UNC5D: variants seen among roughly 807,000 people sequenced by gnomAD.
UNC5D encodes the protein netrin receptor UNC5D.
Under a neutral mutation model 105.4 loss-of-function variants are expected in UNC5D, and 39 were observed. The observed-to-expected ratio is 0.37, with a 90% CI of 0.29 to 0.48. UNC5D has a LOEUF of 0.48. UNC5D is among the 20% of genes least tolerant of loss of function. The pLI is 0.98. For synonymous variants in UNC5D, 452 were observed against 450.4 expected (o/e 1.00, Z -0.04); for missense variants, 991 against 1,202.4 (o/e 0.82, Z 2.60).
chr8:35,359,626 C>A (rs1320921624), intron 1 of UNC5D, among the ~76,000 whole-genome samples: 5 of 152,144 alleles, frequency 3.3e-5, no homozygotes, highest in Non-Finnish European at 7.3e-5. Flanking sequence ...AAGGTTTCTC[C>A]TTTCTTTGAA....
At chr8:35,416,233 T>C (rs1805526494) in intron 1 of UNC5D, among the ~76,000 whole-genome samples, 1 of 151,970 alleles carries the variant, frequency 6.6e-6, no homozygotes, top group Non-Finnish European at 1.5e-5. Context: ...ACTGACTTGG[T>C]GTAGGGATGG....
chr8:35,778,720 G>A (rs1044316516), intron 16 of UNC5D, among the ~76,000 whole-genome samples: 5 of 152,170 alleles, frequency 3.3e-5, no homozygotes, highest in African/African-American at 1.2e-4. Context: ...AATCATTAAG[G>A]AAAACTTTCA....
chr8:35,311,598 A>T (rs532609457), intron 1 of UNC5D, among the ~76,000 whole-genome samples: 1 of 152,222 alleles, frequency 6.6e-6, no homozygotes, highest in East Asian at 1.9e-4. Context: ...CATTTGTTTC[A>T]TTTGGCAAGT....
At chr8:35,342,435 A>T (rs1207566701) in intron 1 of UNC5D, among the ~76,000 whole-genome samples, 3 of 152,154 alleles carry the variant, frequency 2.0e-5, no homozygotes, top group African/African-American at 7.2e-5. Flanking sequence ...ACAGGGATTC[A>T]TCAGGTAACT....
At chr8:35,380,457 GAC>G (rs1370120506) in intron 1 of UNC5D, among the ~76,000 whole-genome samples, 2 of 152,092 alleles carry the variant, frequency 1.3e-5, no homozygotes, top group African/African-American at 4.8e-5. Context: ...TAAACATTAT[GAC>G]ACACGTAAAC....
chr8:35,452,811 G>C (rs980402016), intron 1 of UNC5D, among the ~76,000 whole-genome samples: 1 of 152,168 alleles, frequency 6.6e-6, no homozygotes, highest in African/African-American at 2.4e-5. Flanking sequence ...TGTCCAAATG[G>C]ATTTATGTGA....
intron 1 of UNC5D, among the ~76,000 whole-genome samples, chr8:35,460,384 C>T (rs1174088830): frequency 6.6e-6 from 1 of 152,124 alleles, no homozygotes; most frequent in Non-Finnish European, 1.5e-5. Context: ...TAGGTTAGAA[C>T]AAACTGCACA....
At chr8:35,446,872 G>A (rs1807831977) in intron 1 of UNC5D, among the ~76,000 whole-genome samples, 1 of 152,082 alleles carries the variant, frequency 6.6e-6, no homozygotes, top group Non-Finnish European at 1.5e-5. Flanking sequence ...TTCACCTTGA[G>A]GGAAGACTGA....
chr8:35,757,371 C>T lies in UNC5D; in HGVS notation c.2164-1949C>T, dbSNP rs1391198696. 2.0e-5 allele frequency among the ~76,000 whole-genome samples: 3 copies of T among 152,098 alleles called. No individual in the cohort carries two copies. In the South Asian group the frequency reaches 6.2e-4, roughly 32 times the overall value. ...CCACCTCAGCCTTCCATCCCAGCTC[C>T]GTCTAGCCACCATGCTTGTGAATGC... On this transcript the variant is annotated intron_variant, in intron 13 of 16. Coordinates refer to ENST00000404895, the MANE Select transcript of UNC5D (RefSeq NM_080872.4).
At chr8:35,471,977 A>T (rs1191423527) in intron 1 of UNC5D, among the ~76,000 whole-genome samples, 2 of 151,478 alleles carry the variant, frequency 1.3e-5, no homozygotes, top group African/African-American at 4.9e-5. Flanking sequence ...GTGAATCAGT[A>T]CTAGACAGGT....
intron 1 of UNC5D, among the ~76,000 whole-genome samples, chr8:35,381,000 G>A (rs1415079786): frequency 6.9e-6 from 1 of 145,020 alleles, no homozygotes; most frequent in African/African-American, 2.5e-5. Context: ...AACTTCTGTG[G>A]ATGGCTACAA....
chr8:35,674,466 A>G (rs892920213), intron 4 of UNC5D, among the ~76,000 whole-genome samples: 8 of 152,168 alleles, frequency 5.3e-5, no homozygotes, highest in Admixed American at 5.2e-4. Context: ...TTCTTTGTCT[A>G]TAAAATGGGG....
intron 2 of UNC5D, among the ~76,000 whole-genome samples, chr8:35,558,943 C>T (rs1045761620): frequency 2.6e-5 from 4 of 151,986 alleles, no homozygotes; most frequent in Admixed American, 6.5e-5. Flanking sequence ...GATCGCAGCA[C>T]TGTACTCCAG....
At chr8:35,559,372 A>G (rs1816793285) in intron 2 of UNC5D, among the ~76,000 whole-genome samples, 1 of 152,210 alleles carries the variant, frequency 6.6e-6, no homozygotes, top group Non-Finnish European at 1.5e-5. Context: ...TAAGCCAAGC[A>G]TCCTACTACA....
chr8:35,690,747 A>G (rs1276358073), intron 7 of UNC5D, among the ~76,000 whole-genome samples: 1 of 152,210 alleles, frequency 6.6e-6, no homozygotes, highest in African/African-American at 2.4e-5. Context: ...CTTGGTGAAA[A>G]TAGCTGTGCT....
At chr8:35,250,105 T>A (rs1456374462) in intron 1 of UNC5D, among the ~76,000 whole-genome samples, 1 of 152,158 alleles carries the variant, frequency 6.6e-6, no homozygotes, top group Non-Finnish European at 1.5e-5. Context: ...GAGCCCCAAA[T>A]GTTTAATGTA....
intron 1 of UNC5D, among the ~76,000 whole-genome samples, chr8:35,279,307 G>A (rs528052142): frequency 6.6e-6 from 1 of 152,318 alleles, no homozygotes; most frequent in African/African-American, 2.4e-5. Context: ...GGAATATTTG[G>A]TACTTCACTC....
chr8:35,362,970 C>T (rs1443371665), intron 1 of UNC5D, among the ~76,000 whole-genome samples: 2 of 152,100 alleles, frequency 1.3e-5, no homozygotes, highest in South Asian at 4.1e-4. Flanking sequence ...CACAGTTTTC[C>T]TACTAATATC....
chr8:35,321,232 T>G (rs528137750), intron 1 of UNC5D, among the ~76,000 whole-genome samples: 1 of 152,310 alleles, frequency 6.6e-6, no homozygotes, highest in South Asian at 2.1e-4. Flanking sequence ...ATCATACAGC[T>G]TGTTCTGTAA....
Sources: gnomAD v4.1 joint callset for allele counts (sites outside exome capture counted in the v4.1 genomes callset) on GRCh38, gnomAD v4.1.1 for gene constraint, MANE v1.5 for transcripts, NCBI Gene and HGNC (gene_info 2026-07-23, HGNC 2026-07-21) for gene names.